Variants in SANBR observed in about 807,000 individuals in gnomAD.
SANBR encodes SANT and BTB domain regulator of CSR, also known as SANT and BTB domain regulator of class switch recombination.
A neutral mutation model predicts 101.8 loss-of-function variants in SANBR; 77 were observed. The observed-to-expected ratio is 0.76, with a 90% confidence interval of 0.63 to 0.91. SANBR has a LOEUF of 0.91. Among genes scored for constraint, SANBR ranks in the 40% least tolerant of loss-of-function variants. SANBR has a pLI of 0.00. For missense variants in SANBR, 875 were observed against 853.0 expected (o/e 1.03, Z -0.32); for synonymous variants, 279 against 274.7 (o/e 1.02, Z -0.15).
intron 21 of SANBR, among the ~76,000 whole-genome samples, chr2:61,136,864 G>C (rs1684866218): frequency 6.6e-6 from 1 of 151,136 alleles, no homozygotes; most frequent in Non-Finnish European, 1.5e-5. Flanking sequence ...CCAGCTACTT[G>C]GGAGGCTGAG....
chr2:61,108,425 C>G, intron 15 of SANBR, 76 bp downstream of exon 15: 2 of 958,088 alleles, frequency 2.1e-6, no homozygotes, highest in South Asian at 3.2e-5. Context: ...AGAATCTTAT[C>G]AGTATCTTAT....
intron 11 of SANBR, 152 bp downstream of exon 11, chr2:61,092,739 G>T: frequency 1.7e-6 from 1 of 599,224 alleles, no homozygotes; most frequent in Non-Finnish European, 2.6e-6. Flanking sequence ...GGTGGCTCGT[G>T]CCTGTAATCC....
chr2:61,127,036 C>G (rs1344945084), downstream of SANBR, among the ~76,000 whole-genome samples: 1 of 152,148 alleles, frequency 6.6e-6, no homozygotes, highest in Non-Finnish European at 1.5e-5. Flanking sequence ...TCATCACATC[C>G]TCATAGTTTA....
At chr2:61,102,441 A>G (rs185003524) in intron 12 of SANBR, among the ~76,000 whole-genome samples, 1 of 152,254 alleles carries the variant, frequency 6.6e-6, no homozygotes, top group African/African-American at 2.4e-5. Context: ...TTGTCCTGTA[A>G]ACATGAAAAG....
At position 61,123,746 on chromosome 2, in the gene SANBR, T is replaced by C. The variant is rs1203822411; in HGVS notation, c.*1584T>C. The C allele has an allele frequency of 1.0e-6, 1 of 985,394 alleles. No homozygotes were observed. Among genetic ancestry groups the C allele is most frequent in the Non-Finnish European group, 1.2e-6 (1 of 829,860 alleles). The allele number at this position is 985,394 out of a possible 1,614,324, so 61.0% of individuals were successfully genotyped here. ...AACTGCTTCTCCCCTGGGAGGCCTA[T>C]ACCACTGAATTAATTTTTACAAACC... On this transcript the variant is annotated 3_prime_UTR_variant, in exon 22 of 22. Transcript: ENST00000402291.
At chr2:61,071,118 T>C (rs1681441191) in intron 3 of SANBR, among the ~76,000 whole-genome samples, 1 of 152,148 alleles carries the variant, frequency 6.6e-6, no homozygotes, top group Non-Finnish European at 1.5e-5. Context: ...AAATAGAAGT[T>C]AGAGGCTTTT....
At chr2:61,101,521 C>T (rs1683282608) in intron 12 of SANBR, among the ~76,000 whole-genome samples, 1 of 150,530 alleles carries the variant, frequency 6.6e-6, no homozygotes, top group Non-Finnish European at 1.5e-5. Flanking sequence ...ATCACGAGGT[C>T]AGGAGATCAA....
chr2:61,095,897 T>C (rs1683007902), intron 11 of SANBR, among the ~76,000 whole-genome samples: 1 of 152,164 alleles, frequency 6.6e-6, no homozygotes, highest in African/African-American at 2.4e-5. Flanking sequence ...CCCCAACAGC[T>C]ATTAATGGTA....
chr2:61,130,642 G>T (rs1177282), intron 20 of SANBR, among the ~76,000 whole-genome samples: 10 of 150,148 alleles, frequency 6.7e-5, no homozygotes, highest in African/African-American at 1.2e-4. Context: ...TATCAATATA[G>T]TTTTTTTTTT....
chr2:61,089,035 T>C (rs1287885610), intron 10 of SANBR: 13 of 955,586 alleles, frequency 1.4e-5, no homozygotes, highest in Non-Finnish European at 1.6e-5. Context: ...TCTTGAAAGG[T>C]ATTCTGGTTA....
At chr2:61,084,131 T>A (rs903032816) in intron 8 of SANBR, among the ~76,000 whole-genome samples, 4 of 152,186 alleles carry the variant, frequency 2.6e-5, no homozygotes, top group Non-Finnish European at 4.4e-5. Flanking sequence ...TTTTTGTATT[T>A]TTTGTAGAGA....
At chr2:61,131,038 A>G (rs1232896975) in intron 20 of SANBR, among the ~76,000 whole-genome samples, 2 of 151,880 alleles carry the variant, frequency 1.3e-5, no homozygotes, top group African/African-American at 4.8e-5. Context: ...CATTAACAAC[A>G]TAGAAGGGAA....
intron 11 of SANBR, among the ~76,000 whole-genome samples, chr2:61,096,270 T>A (rs911338392): frequency 1.3e-5 from 2 of 152,120 alleles, no homozygotes; most frequent in African/African-American, 4.8e-5. Context: ...TCTTGTCCCC[T>A]CTAGATCTGA....
At position 61,106,555 on chromosome 2, in the gene SANBR, C is replaced by A; in HGVS notation, c.1512-8C>A. 6.4e-7 allele frequency: 1 copy of A among 1,562,062 alleles called. No homozygotes were observed. The highest frequency in any genetic ancestry group is 8.7e-7 in the Non-Finnish European group (1 of 1,149,522). ...CTCTTCTCCGTAAAAATGTCTTTTT[C>A]TTTCAAGTGATGTTGGGGTTGGCCT... On this transcript the variant is annotated splice_region_variant and splice_polypyrimidine_tract_variant and intron_variant, in intron 13 of 21. Coordinates refer to ENST00000402291, the MANE Select transcript of SANBR (RefSeq NM_001129993.3).
chr2:61,092,593 A>AG lies in SANBR; in HGVS notation c.1212+6_1212+7insG. The AG allele has an allele frequency of 7.3e-7, 1 of 1,375,474 alleles. No homozygotes were observed. The highest frequency in any genetic ancestry group is 9.8e-7 in the Non-Finnish European group (1 of 1,018,496). The allele number at this position is 1,375,474 out of a possible 1,614,324, so 85.2% of individuals were successfully genotyped here. ...CTTGTTCAAGATGTTATCAGGTAAG[A>AG]TTTTTTTTTTTAAATATCCTGCTCT... On this transcript the variant is annotated splice_region_variant and intron_variant, in intron 11 of 21. Transcript: ENST00000402291.
At chr2:61,080,719 C>CA (rs886409719) in intron 6 of SANBR, among the ~76,000 whole-genome samples, 44 of 135,592 alleles carry the variant, frequency 3.2e-4, no homozygotes, top group East Asian at 6.4e-4. Flanking sequence ...GACTCCATCT[C>CA]AAAAAAAAAA....
At chr2:61,091,186 A>G (rs899528235) in intron 10 of SANBR, among the ~76,000 whole-genome samples, 2 of 152,188 alleles carry the variant, frequency 1.3e-5, no homozygotes, top group Non-Finnish European at 2.9e-5. Flanking sequence ...AATCAGGCCT[A>G]TAATCCCAGC....
At chr2:61,117,944 C>G in intron 19 of SANBR, 84 bp from the exon 20 acceptor site, 1 of 963,994 alleles carries the variant, frequency 1.0e-6, no homozygotes, top group East Asian at 2.6e-5. Context: ...TTCATAAACC[C>G]TAGGTGATTA....
intron 11 of SANBR, among the ~76,000 whole-genome samples, chr2:61,096,753 A>G (rs1408295282): frequency 6.6e-6 from 1 of 152,192 alleles, no homozygotes; most frequent in East Asian, 1.9e-4. Context: ...CCTGATGTTT[A>G]ATTTGACAAT....
Sources: allele counts gnomAD v4.1 joint callset (sites outside exome capture counted in the v4.1 genomes callset), GRCh38; gene constraint gnomAD v4.1.1; transcripts MANE v1.5; gene names NCBI Gene and HGNC (gene_info 2026-07-23, HGNC 2026-07-21).